Variants in ZMIZ1 observed in about 807,000 individuals in gnomAD.
ZMIZ1 encodes the protein zinc finger MIZ domain-containing protein 1.
ZMIZ1 carries 17 observed loss-of-function variants against 113.9 expected under a neutral mutation model. The ratio of observed to expected loss-of-function variants is 0.15; its 90% CI spans 0.10 to 0.22. ZMIZ1 has a LOEUF of 0.22. ZMIZ1 is among the 10% of genes least tolerant of loss of function. The pLI is 1.00. For synonymous variants in ZMIZ1, 607 were observed against 603.1 expected, an observed-to-expected ratio of 1.01 and a Z score of -0.09; for missense variants, 1,059 against 1,477.8, an observed-to-expected ratio of 0.72 and a Z score of 4.65.
chr10:79,182,906 G>A (rs1388575124), intron 4 of ZMIZ1, among the ~76,000 whole-genome samples: 2 of 152,244 alleles, frequency 1.3e-5, no homozygotes, highest in African/African-American at 2.4e-5. Context: ...GTCTGTAGGT[G>A]TTTCAAGGCC....
intron 2 of ZMIZ1, among the ~76,000 whole-genome samples, chr10:79,122,936 G>T (rs1261615693): frequency 1.3e-5 from 2 of 152,206 alleles, no homozygotes; most frequent in Admixed American, 1.3e-4. Context: ...GGAGAGGTAT[G>T]TGGGTTGCTG....
intron 4 of ZMIZ1, among the ~76,000 whole-genome samples, chr10:79,170,647 G>A (rs1326049631): frequency 6.6e-6 from 1 of 152,224 alleles, no homozygotes; most frequent in African/African-American, 2.4e-5. Flanking sequence ...CAGTCCTGCA[G>A]CTCCTCTGAG....
At chr10:79,196,168 T>C (rs1310335475) in intron 4 of ZMIZ1, among the ~76,000 whole-genome samples, 1 of 152,210 alleles carries the variant, frequency 6.6e-6, no homozygotes, top group Non-Finnish European at 1.5e-5. Flanking sequence ...AGTTTAAAAA[T>C]GTCACCTCAC....
intron 2 of ZMIZ1, among the ~76,000 whole-genome samples, chr10:79,125,116 T>G (rs2132347368): frequency 6.6e-6 from 1 of 152,218 alleles, no homozygotes; most frequent in East Asian, 1.9e-4. Context: ...CAGGCACCTC[T>G]GCTGGACCAG....
chr10:79,113,710 G>A (rs1843853693), intron 1 of ZMIZ1, among the ~76,000 whole-genome samples: 1 of 151,912 alleles, frequency 6.6e-6, no homozygotes, highest in Admixed American at 6.6e-5. Flanking sequence ...CCCCCTCCAA[G>A]AATTTACACA....
intron 8 of ZMIZ1, among the ~76,000 whole-genome samples, chr10:79,277,670 C>T (rs946687100): frequency 1.3e-5 from 2 of 152,132 alleles, no homozygotes; most frequent in African/African-American, 2.4e-5. Flanking sequence ...AGGAAGGCCA[C>T]GGGGTTGGTG....
chr10:79,277,206 G>A lies in ZMIZ1; in HGVS notation c.306G>A (p.Glu102=). The change falls in exon 8 of 25, where the codon GAG becomes GAA. Residue 102 remains glutamate, a synonymous_variant. Coordinates refer to ENST00000334512, the MANE Select transcript of ZMIZ1 (RefSeq NM_020338.4). ...SAALLSSWCE[E]LGRLLLLRHQ... ...CCTTGTTGTCCTCCTGGTGCGAAGA[G>A]CTCGGCCGCCTGCTGCTGCTCCGAC... The A allele has an allele frequency of 2.5e-6, 4 of 1,572,458 alleles. No individual in the cohort carries two copies. Among genetic ancestry groups the A allele is most frequent in the Non-Finnish European group, 2.6e-6 (3 of 1,159,046 alleles).
intron 7 of ZMIZ1, among the ~76,000 whole-genome samples, chr10:79,221,316 G>A (rs192675191): frequency 6.6e-6 from 1 of 152,318 alleles, no homozygotes; most frequent in African/African-American, 2.4e-5. Context: ...CGCAGGAGGC[G>A]AGCACAGGCA....
At chr10:79,128,261 G>T (rs1056810636) in intron 2 of ZMIZ1, among the ~76,000 whole-genome samples, 1 of 152,118 alleles carries the variant, frequency 6.6e-6, no homozygotes, top group Non-Finnish European at 1.5e-5. Flanking sequence ...AGGGGGCTCT[G>T]CCCTCCTTGG....
At chr10:79,228,682 G>A (rs1036166930) in intron 7 of ZMIZ1, among the ~76,000 whole-genome samples, 1 of 152,240 alleles carries the variant, frequency 6.6e-6, no homozygotes, top group Non-Finnish European at 1.5e-5. Context: ...CTGCCTGCAG[G>A]CCCCTAGCCC....
intron 4 of ZMIZ1, among the ~76,000 whole-genome samples, chr10:79,172,298 G>C (rs916347913): frequency 3.3e-5 from 5 of 152,164 alleles, no homozygotes; most frequent in African/African-American, 1.2e-4. Flanking sequence ...TTTGTACCCA[G>C]TGTTTGGTGT....
At chr10:79,090,785 G>T (rs888932625) in intron 1 of ZMIZ1, among the ~76,000 whole-genome samples, 2 of 152,216 alleles carry the variant, frequency 1.3e-5, no homozygotes, top group African/African-American at 4.8e-5. Flanking sequence ...GGTTTGGGGG[G>T]TGCCCACTTT....
At chr10:79,204,247 G>A (rs896488254) in intron 5 of ZMIZ1, among the ~76,000 whole-genome samples, 21 of 152,152 alleles carry the variant, frequency 1.4e-4, no homozygotes, top group African/African-American at 5.1e-4. Context: ...TGTAGCCTTT[G>A]CTGGCGTTCA....
chr10:79,149,935 C>A (rs1168975029), intron 3 of ZMIZ1, among the ~76,000 whole-genome samples: 1 of 152,214 alleles, frequency 6.6e-6, no homozygotes, highest in Non-Finnish European at 1.5e-5. Context: ...GGAAAATGAA[C>A]GGTGGGAGGC....
intron 7 of ZMIZ1, among the ~76,000 whole-genome samples, chr10:79,275,676 G>A (rs1852244107): frequency 6.6e-6 from 1 of 152,204 alleles, no homozygotes; most frequent in African/African-American, 2.4e-5. Flanking sequence ...TGAACACCTA[G>A]GATTTTGCCT....
intron 1 of ZMIZ1, among the ~76,000 whole-genome samples, chr10:79,109,830 G>A (rs1342071567): frequency 3.9e-5 from 6 of 152,224 alleles, no homozygotes; most frequent in South Asian, 2.1e-4. Flanking sequence ...ACCTCATGGG[G>A]TTATTGTGAG....
intron 15 of ZMIZ1, 99 bp from the exon 16 acceptor site, chr10:79,298,951 C>T: frequency 6.8e-7 from 1 of 1,466,452 alleles, no homozygotes; most frequent in East Asian, 2.4e-5. Context: ...CCCTGCCTTC[C>T]TCTGAGCATG....
intron 7 of ZMIZ1, among the ~76,000 whole-genome samples, chr10:79,236,576 G>A (rs1485126274): frequency 1.3e-5 from 2 of 152,128 alleles, no homozygotes; most frequent in African/African-American, 2.4e-5. Context: ...CCTGGGTGGC[G>A]CGCTCCCCAC....
At chr10:79,152,982 G>A (rs1845769410) in intron 3 of ZMIZ1, among the ~76,000 whole-genome samples, 1 of 152,248 alleles carries the variant, frequency 6.6e-6, no homozygotes, top group Non-Finnish European at 1.5e-5. Context: ...CCTTTCCAGG[G>A]CCCCAGAGGA....
Sources: gnomAD v4.1 joint callset for allele counts (sites outside exome capture counted in the v4.1 genomes callset) on GRCh38, gnomAD v4.1.1 for gene constraint, MANE v1.5 for transcripts, NCBI Gene and HGNC (gene_info 2026-07-23, HGNC 2026-07-21) for gene names.